The following DLGAP2 variants were observed in gnomAD, a reference collection of about 807,000 sequenced individuals.
DLGAP2 encodes disks large-associated protein 2.
DLGAP2 carries 26 observed loss-of-function variants against 100.3 expected under a neutral mutation model. The ratio of observed to expected loss-of-function variants is 0.26; its 90% confidence interval spans 0.19 to 0.36. The LOEUF is 0.36. DLGAP2 is among the 10% of genes least tolerant of loss of function. DLGAP2 has a pLI of 1.00. For missense variants in DLGAP2, 1,858 were observed against 1,453.2 expected (o/e 1.28, Z -4.53); for synonymous variants, 886 against 630.1 (o/e 1.41, Z -6.08).
intron 3 of DLGAP2, among the ~76,000 whole-genome samples, chr8:1,494,605 T>A (rs1314188658): frequency 1.3e-5 from 2 of 152,094 alleles, no homozygotes; most frequent in Non-Finnish European, 2.9e-5. Flanking sequence ...GTCAGGCGCC[T>A]GTAGTCTCAC....
intron 2 of DLGAP2, among the ~76,000 whole-genome samples, chr8:989,697 G>C (rs1394728557): frequency 1.3e-5 from 2 of 152,188 alleles, no homozygotes; most frequent in Non-Finnish European, 2.9e-5. Context: ...TAATTGCTAA[G>C]AGTCTGAAAC....
chr8:1,019,144 T>G (rs1372471824), intron 2 of DLGAP2: 1 of 152,146 alleles, frequency 6.6e-6, no homozygotes, highest in Non-Finnish European at 1.5e-5. Flanking sequence ...GGCATGTGCT[T>G]TAAAATCATG....
At chr8:1,585,355 C>G (rs180704413) in intron 6 of DLGAP2, among the ~76,000 whole-genome samples, 65 of 127,216 alleles carry the variant, frequency 5.1e-4, no homozygotes, top group Admixed American at 1.6e-3. Context: ...TCCCAGGTAC[C>G]CAGGTGGCCG....
intron 3 of DLGAP2, chr8:1,369,639 C>G (rs1328289538): frequency 6.6e-6 from 1 of 152,246 alleles, no homozygotes; most frequent in Non-Finnish European, 1.5e-5. Flanking sequence ...CATGAAACTC[C>G]ATTCTCACAT....
intron 8 of DLGAP2, among the ~76,000 whole-genome samples, chr8:1,645,986 A>G (rs1318529671): frequency 6.6e-6 from 1 of 152,216 alleles, no homozygotes; most frequent in Non-Finnish European, 1.5e-5. Context: ...TGGAGGCCGA[A>G]TAATGCCGCA....
chr8:1,629,841 C>T (rs1797598986), intron 7 of DLGAP2, among the ~76,000 whole-genome samples: 1 of 152,192 alleles, frequency 6.6e-6, no homozygotes, highest in Admixed American at 6.5e-5. Context: ...ATGAAACATT[C>T]AGAGGCTCTT....
intron 1 of DLGAP2, among the ~76,000 whole-genome samples, chr8:866,121 TC>T (rs1340441338): frequency 1.3e-5 from 2 of 151,470 alleles, no homozygotes; most frequent in Non-Finnish European, 2.9e-5. Context: ...GCGGGCAGAG[TC>T]CTCTGCTCTG....
intron 4 of DLGAP2, among the ~76,000 whole-genome samples, chr8:1,507,755 C>T (rs1030313179): frequency 6.6e-6 from 1 of 152,092 alleles, no homozygotes; most frequent in Non-Finnish European, 1.5e-5. Context: ...AGGTCCTCAG[C>T]CACCGAGTCT....
At position 979,292 on chromosome 8, in the gene DLGAP2, G is replaced by A. The variant is rs1334366826; in HGVS notation, c.73+71326G>A. Among the ~76,000 whole-genome samples the A allele has an allele frequency of 6.6e-5, 10 of 152,306 alleles. No homozygotes were observed. In the South Asian group the frequency reaches 1.5e-3, roughly 22 times the overall value. On this transcript the variant is annotated intron_variant, in intron 2 of 14. Coordinates refer to ENST00000637795, the MANE Select transcript of DLGAP2 (RefSeq NM_001346810.2). ...TACAGCTTTAAATATACTGACATCC[G>A]AAGGAGTGGGAAAATAGATGCTAAG... is the stretch of plus-strand genomic sequence containing the variant.
At chr8:1,339,590 A>G (rs1801372730) in intron 3 of DLGAP2, among the ~76,000 whole-genome samples, 1 of 152,106 alleles carries the variant, frequency 6.6e-6, no homozygotes, top group South Asian at 2.1e-4. Flanking sequence ...ATTTTTTTCC[A>G]TGTTTTCTGA....
chr8:939,056 C>G (rs1490300071), intron 2 of DLGAP2, among the ~76,000 whole-genome samples: 2 of 152,066 alleles, frequency 1.3e-5, no homozygotes, highest in Non-Finnish European at 2.9e-5. Context: ...CGGCCCCTGC[C>G]TGGGAGTGGG....
chr8:760,730 C>T (rs1370258386), intron 1 of DLGAP2, among the ~76,000 whole-genome samples: 2 of 152,170 alleles, frequency 1.3e-5, no homozygotes, highest in African/African-American at 4.8e-5. Flanking sequence ...GCATGTCCCT[C>T]AGTGCAGGGC....
At chr8:1,494,049 G>A (rs903237911) in intron 3 of DLGAP2, among the ~76,000 whole-genome samples, 3 of 152,352 alleles carry the variant, frequency 2.0e-5, no homozygotes, top group African/African-American at 7.2e-5. Flanking sequence ...CATCGGGGGG[G>A]GCAGTAGGAT....
chr8:1,502,335 G>A (rs1023844502), intron 4 of DLGAP2, among the ~76,000 whole-genome samples: 2 of 152,218 alleles, frequency 1.3e-5, no homozygotes, highest in African/African-American at 2.4e-5. Flanking sequence ...TTTAGCCAGT[G>A]CATCTATTGC....
intron 3 of DLGAP2, among the ~76,000 whole-genome samples, chr8:1,290,922 G>T (rs138225764): frequency 6.6e-6 from 1 of 152,214 alleles, no homozygotes; most frequent in East Asian, 1.9e-4. Flanking sequence ...CCGTTCACTG[G>T]TGTTAAGGAC....
intron 3 of DLGAP2, among the ~76,000 whole-genome samples, chr8:1,339,756 T>C (rs543179357): frequency 3.3e-5 from 5 of 152,306 alleles, no homozygotes; most frequent in South Asian, 2.1e-4. Context: ...TGCCCTGCGC[T>C]GTGTGTTCCT....
chr8:1,214,490 A>G (rs543029325), intron 2 of DLGAP2, among the ~76,000 whole-genome samples: 27 of 152,318 alleles, frequency 1.8e-4, no homozygotes, highest in African/African-American at 6.0e-4. Context: ...TACGTAGGAG[A>G]TGCTGAAACA....
intron 2 of DLGAP2, among the ~76,000 whole-genome samples, chr8:1,122,906 G>C (rs1477605191): frequency 6.6e-6 from 1 of 152,080 alleles, no homozygotes; most frequent in Non-Finnish European, 1.5e-5. Context: ...AGGAGCTCTG[G>C]GAAGAGTGTG....
intron 1 of DLGAP2, among the ~76,000 whole-genome samples, chr8:892,390 G>A (rs537331524): frequency 6.6e-6 from 1 of 152,170 alleles, no homozygotes. Context: ...AAATCCCGAC[G>A]AGGCTATGGG....
Sources: gnomAD v4.1 joint callset for allele counts (sites outside exome capture counted in the v4.1 genomes callset) on GRCh38, gnomAD v4.1.1 for gene constraint, MANE v1.5 for transcripts, NCBI Gene and HGNC (gene_info 2026-07-23, HGNC 2026-07-21) for gene names.